INTS9: variants seen among roughly 807,000 people sequenced by gnomAD.
INTS9 encodes protein related to CPSF subunits of 74 kDa.
INTS9 carries 55 observed loss-of-function variants against 79.7 expected under a neutral mutation model. The ratio of observed to expected loss-of-function variants is 0.69; its 90% CI spans 0.56 to 0.86. INTS9 has a LOEUF of 0.86. INTS9 is among the 40% of genes least tolerant of loss of function. The pLI is 0.00. For synonymous variants in INTS9, 319 were observed against 325.2 expected (o/e 0.98, Z 0.20); for missense variants, 721 against 831.5 (o/e 0.87, Z 1.64).
intron 15 of INTS9, 115 bp downstream of exon 15, chr8:28,770,867 G>T (rs954280830): frequency 1.3e-6 from 1 of 789,564 alleles, no homozygotes; most frequent in Non-Finnish European, 2.1e-6. Flanking sequence ...CATGGCCAGG[G>T]AAATAATTCT....
chr8:28,839,727 T>C (rs1276103704), intron 4 of INTS9, among the ~76,000 whole-genome samples: 1 of 152,184 alleles, frequency 6.6e-6, no homozygotes, highest in Non-Finnish European at 1.5e-5. Flanking sequence ...CTGGGAAAAC[T>C]GGCTAGCCAT....
At chr8:28,833,695 CAA>C (rs1806639546) in intron 6 of INTS9, among the ~76,000 whole-genome samples, 3 of 149,758 alleles carry the variant, frequency 2.0e-5, no homozygotes, top group South Asian at 4.2e-4. Context: ...AAAAAGAAAT[CAA>C]AAGACTAGTT....
chr8:28,889,786 C>A, intron 1 of INTS9, 88 bp downstream of exon 1: 1 of 1,467,980 alleles, frequency 6.8e-7, no homozygotes, highest in East Asian at 2.3e-5. Context: ...CCCTCCCGTG[C>A]GACGATTCCC....
intron 10 of INTS9, 75 bp from the exon 11 acceptor site, chr8:28,787,964 GTGCAA>G: frequency 3.2e-6 from 3 of 945,290 alleles, no homozygotes; most frequent in Non-Finnish European, 4.9e-6. Flanking sequence ...AGTGGCAGCA[GTGCAA>G]ATATTAAATA....
chr8:28,823,467 C>T (rs1055978264), intron 6 of INTS9, among the ~76,000 whole-genome samples: 3 of 152,220 alleles, frequency 2.0e-5, no homozygotes, highest in South Asian at 2.1e-4. Flanking sequence ...CACACTTTCC[C>T]AATGTCCTGC....
At chr8:28,884,168 CTTTTTTTTTT>C (rs35799882) in intron 1 of INTS9, among the ~76,000 whole-genome samples, 17 of 46,974 alleles carry the variant, frequency 3.6e-4, no homozygotes, top group East Asian at 2.7e-3. Context: ...ATCAGTGTAT[CTTTTTTTTTT>C]TTTTTTTTTT....
chr8:28,881,308 T>G (rs1263205110), intron 1 of INTS9, among the ~76,000 whole-genome samples: 2 of 97,498 alleles, frequency 2.1e-5, no homozygotes, highest in African/African-American at 8.4e-5. Flanking sequence ...GGTGGGGGGA[T>G]CAGCCCCCCG....
chr8:28,806,455 A>G (rs1804818708), intron 8 of INTS9, among the ~76,000 whole-genome samples: 1 of 152,254 alleles, frequency 6.6e-6, no homozygotes, highest in Non-Finnish European at 1.5e-5. Context: ...AGAAACAGAT[A>G]AATCAACAAC....
chr8:28,876,123 T>C (rs1003247330), intron 1 of INTS9, among the ~76,000 whole-genome samples: 1 of 152,220 alleles, frequency 6.6e-6, no homozygotes, highest in African/African-American at 2.4e-5. Flanking sequence ...ATTGATTGTT[T>C]ACATTTCTTG....
intron 1 of INTS9, among the ~76,000 whole-genome samples, chr8:28,860,464 TC>T (rs1246169578): frequency 1.3e-5 from 2 of 150,038 alleles, no homozygotes; most frequent in African/African-American, 2.4e-5. Flanking sequence ...CACTAGCAAG[TC>T]CATTCTCTCC....
At position 28,832,629 on chromosome 8, in the gene INTS9, GTTAC is replaced by G. The variant is rs370648607; in HGVS notation, c.488+2659_488+2662del. Among the ~76,000 whole-genome samples, 698 of 152,300 alleles carry G rather than the reference GTTAC, an allele frequency of 4.6e-3. 3 individuals are homozygous for G. The highest frequency in any genetic ancestry group is 0.016 in the African/African-American group (648 of 41,558). ...TCACTAGCTGTGCGACCTTGGGCAA[GTTAC>G]TTAATCTCTCTGTGTCAGTTTTCTC... On this transcript the variant is annotated intron_variant, in intron 6 of 16. Coordinates refer to ENST00000521022, the MANE Select transcript of INTS9 (RefSeq NM_018250.4).
At chr8:28,792,287 T>C (rs1490567834) in intron 10 of INTS9, among the ~76,000 whole-genome samples, 3 of 152,098 alleles carry the variant, frequency 2.0e-5, no homozygotes, top group Non-Finnish European at 4.4e-5. Context: ...CTTCATACTA[T>C]ATACTAAAAC....
intron 6 of INTS9, among the ~76,000 whole-genome samples, chr8:28,819,600 GGT>G (rs985344738): frequency 7.2e-5 from 11 of 152,180 alleles, no homozygotes; most frequent in African/African-American, 2.7e-4. Context: ...GAATAGGTGT[GGT>G]GTGGTGCTGA....
chr8:28,839,028 G>C (rs1806995879), intron 4 of INTS9, among the ~76,000 whole-genome samples: 1 of 152,064 alleles, frequency 6.6e-6, no homozygotes, highest in Non-Finnish European at 1.5e-5. Flanking sequence ...TCACTCACAG[G>C]GCCCTCCACC....
In INTS9 at chr8:28,856,685, C is replaced by T. The variant is rs573757822; in HGVS notation, c.137+2751G>A. 9.9e-5 allele frequency among the ~76,000 whole-genome samples: 15 copies of T among 152,236 alleles called. No individual in the cohort carries two copies. In the South Asian group the frequency reaches 2.5e-3, roughly 25 times the overall value. ...ACACATTTGTAAGTTGCTGTTTGGA[C>T]GGTTATTGCAGCTCTGAGCAATTTA... On this transcript the variant is annotated intron_variant, in intron 2 of 16. Coordinates refer to ENST00000521022, the MANE Select transcript of INTS9 (RefSeq NM_018250.4).
intron 12 of INTS9, among the ~76,000 whole-genome samples, chr8:28,779,887 C>G (rs189893740): frequency 2.4e-4 from 37 of 152,146 alleles, no homozygotes; most frequent in African/African-American, 7.7e-4. Context: ...AGGAAGGGAG[C>G]TGGTGACAGT....
At position 28,837,642 on chromosome 8, in the gene INTS9, G is replaced by C. The variant is rs775106628; in HGVS notation, c.396C>G (p.Ile132Met). Residue 132 changes from isoleucine (I) to methionine (M), a missense_variant, in exon 5 of 17, where the codon ATC (isoleucine) becomes ATG (methionine). Around this residue, in one of 3 missense-constraint regions of INTS9, gnomAD observed 291 missense variants for 307.0 expected, o/e 0.95. Coordinates refer to ENST00000521022, the MANE Select transcript of INTS9 (RefSeq NM_018250.4). ...TVYATEPTVQ[I>M]GRLLMEELVN... Reference sequence around the variant, plus strand: ...GTCAGAATCAACCCTCTCACCTGCCGATCTGGACGGTGGGTTCCGTGGCAT... The same window carrying C: ...GTCAGAATCAACCCTCTCACCTGCCCATCTGGACGGTGGGTTCCGTGGCAT... The C allele has an allele frequency of 3.1e-6, 5 of 1,612,748 alleles. No homozygotes were observed. The highest frequency in any genetic ancestry group is 4.2e-6 in the Non-Finnish European group (5 of 1,179,804).
In INTS9 at chr8:28,872,298, G is replaced by A. The variant is rs1330356291; in HGVS notation, c.10-12735C>T. Among the ~76,000 whole-genome samples the A allele has an allele frequency of 3.3e-5, 5 of 152,104 alleles. No individual in the cohort carries two copies. The East Asian group carries it at 5.8e-4, about 18-fold the overall frequency. On this transcript the variant is annotated intron_variant, in intron 1 of 16. Coordinates refer to ENST00000521022, the MANE Select transcript of INTS9 (RefSeq NM_018250.4). ...TCATCAGCACTGTGTGGGACAGTAGGGAATAAAAACCAAAATTTCAACAGT... is the reference window on the plus strand; with the variant it reads ...TCATCAGCACTGTGTGGGACAGTAGAGAATAAAAACCAAAATTTCAACAGT...
At chr8:28,850,134 A>G (rs1028061315) in intron 3 of INTS9, 79 bp downstream of exon 3, 4 of 1,131,444 alleles carry the variant, frequency 3.5e-6, no homozygotes, top group Admixed American at 2.0e-5. Flanking sequence ...CAGTCACACT[A>G]CTACAGGGTG....
Sources: gnomAD v4.1 joint callset for allele counts (sites outside exome capture counted in the v4.1 genomes callset) on GRCh38, gnomAD v4.1.1 for gene constraint, gnomAD v4.1.1 regional missense constraint, MANE v1.5 for transcripts, NCBI Gene and HGNC (gene_info 2026-07-23, HGNC 2026-07-21) for gene names.